Variants in TBX15 observed in about 807,000 individuals in gnomAD.
TBX15 encodes T-box transcription factor 15, also known as T-box transcription factor TBX15.
TBX15 carries 18 observed loss-of-function variants against 53.9 expected under a neutral mutation model. That is an observed-to-expected ratio of 0.33 (90% CI 0.23 to 0.49). The LOEUF (loss-of-function observed/expected upper bound fraction) is 0.49. TBX15 is among the 20% of genes least tolerant of loss of function. The pLI is 0.98. For synonymous variants in TBX15, 295 were observed against 278.0 expected, an observed-to-expected ratio of 1.06 and a Z score of -0.61; for missense variants, 692 against 749.5, an observed-to-expected ratio of 0.92 and a Z score of 0.90.
chr1:118,908,532 C>G (rs1321561331), intron 6 of TBX15, among the ~76,000 whole-genome samples: 1 of 152,140 alleles, frequency 6.6e-6, no homozygotes, highest in African/African-American at 2.4e-5. Flanking sequence ...AACACTGCCC[C>G]CATCCCACAC....
chr1:118,892,694 T>C (rs1654190073), intron 7 of TBX15, among the ~76,000 whole-genome samples: 1 of 152,228 alleles, frequency 6.6e-6, no homozygotes, highest in Non-Finnish European at 1.5e-5. Flanking sequence ...TTTATTTCTT[T>C]CAAAGTGTAT....
chr1:118,896,503 A>G (rs1366087313), intron 7 of TBX15, among the ~76,000 whole-genome samples: 1 of 152,112 alleles, frequency 6.6e-6, no homozygotes, highest in African/African-American at 2.4e-5. Flanking sequence ...TAGCAGCACA[A>G]AACTGTCTAG....
Position 118,899,058 on chromosome 1 carries a change from C to T in TBX15, c.994G>A (p.Glu332Lys), listed in dbSNP as rs1225498534. The T allele has an allele frequency of 6.8e-6, 11 of 1,613,608 alleles. No individual in the cohort carries two copies. The highest frequency in any genetic ancestry group is 8.5e-6 in the Non-Finnish European group (10 of 1,179,728). ...TGCTTCTGCATGGTGGTGAAGTCTT[C>T]GAAGGTGAGTGTGCGCACAGGAGGT... is the stretch of plus-strand genomic sequence containing the variant. ...WRPPVRTLTFEDFTTMQKQQG... is the reference protein window; with the variant it reads ...WRPPVRTLTFKDFTTMQKQQG... Residue 332 changes from glutamate (E) to lysine (K), a missense_variant, in exon 7 of 8, where the codon GAA becomes AAA. Around this residue, in one of 3 missense-constraint regions of TBX15, gnomAD observed 375 missense variants for 371.6 expected, o/e 1.01. Transcript: ENST00000369429.
intron 6 of TBX15, among the ~76,000 whole-genome samples, chr1:118,910,084 C>G (rs1183534339): frequency 1.3e-5 from 2 of 152,034 alleles, no homozygotes; most frequent in African/African-American, 4.8e-5. Flanking sequence ...CTGTGTCCTC[C>G]CCATCTTTCC....
At chr1:118,973,789 C>T (rs1021577999) in intron 1 of TBX15, among the ~76,000 whole-genome samples, 1 of 152,102 alleles carries the variant, frequency 6.6e-6, no homozygotes, top group Non-Finnish European at 1.5e-5. Context: ...CACACACACG[C>T]ACACACACTG....
intron 1 of TBX15, among the ~76,000 whole-genome samples, chr1:118,960,932 G>A (rs529086638): frequency 4.6e-5 from 7 of 152,270 alleles, no homozygotes; most frequent in African/African-American, 1.7e-4. Context: ...ATTTGTTATT[G>A]CTGCTGTCAT....
At chr1:118,917,755 C>A (rs1655290311) in intron 5 of TBX15, among the ~76,000 whole-genome samples, 2 of 152,200 alleles carry the variant, frequency 1.3e-5, no homozygotes, top group Admixed American at 6.5e-5. Context: ...AATCTCTTCT[C>A]TATCCAGCAC....
At position 118,987,591 on chromosome 1, in the gene TBX15, C is replaced by A; in HGVS notation, c.205G>T (p.Asp69Tyr). Residue 69 changes from aspartate (D) to tyrosine (Y), a missense_variant and splice_region_variant, in exon 1 of 8, where the codon GAT becomes TAT. Physicochemically the swap from Asp to Tyr is radical, Grantham distance 160. Coordinates refer to ENST00000369429, the MANE Select transcript of TBX15 (RefSeq NM_001330677.2). ...AAAHGLEPHP[D>Y]SEQSTGSDSE... is the part of the protein sequence containing the mutation. Reference sequence around the variant, plus strand: ...CCGCGGTCGGCTGCGACGCACTCACCCGGGTGAGGCTCCAGGCCGTGTGCC... The same window carrying A: ...CCGCGGTCGGCTGCGACGCACTCACACGGGTGAGGCTCCAGGCCGTGTGCC... The A allele has an allele frequency of 6.5e-7, 1 of 1,546,028 alleles. No individual in the cohort carries two copies. The highest frequency in any genetic ancestry group is 8.7e-7 in the Non-Finnish European group (1 of 1,146,272).
chr1:118,914,076 C>T, intron 6 of TBX15, 39 bp downstream of exon 6: 1 of 1,605,984 alleles, frequency 6.2e-7, no homozygotes, highest in South Asian at 1.1e-5. Flanking sequence ...GAAGTAATGT[C>T]ACATAGAAAA....
chr1:118,949,836 T>C (rs1433198914), intron 1 of TBX15, among the ~76,000 whole-genome samples: 1 of 152,106 alleles, frequency 6.6e-6, no homozygotes, highest in Non-Finnish European at 1.5e-5. Context: ...TTTGAACCCA[T>C]GACCCACTAT....
rs954143049 is a variant in TBX15, at chr1:118,988,004, C to G, written c.-209G>C. ...GATCCGACCTGCGCCCCTACGCTGG[C>G]CCAGCTGCTAGGAACTAGCGCCCCG... On this transcript the variant is annotated 5_prime_UTR_variant, in exon 1 of 8. Transcript: ENST00000369429. 3.0e-6 allele frequency: 2 copies of G among 656,128 alleles called. No homozygotes were observed. The highest frequency in any genetic ancestry group is 3.7e-5 in the African/African-American group (2 of 54,086). 40.6% of individuals were successfully genotyped at this position (656,128 alleles called of 1,614,324 possible). A position where few individuals can be genotyped will look rare whatever the true frequency, so the allele number is the denominator to read the frequency against.
intron 5 of TBX15, among the ~76,000 whole-genome samples, chr1:118,917,670 C>A (rs1431713257): frequency 6.6e-6 from 1 of 152,186 alleles, no homozygotes; most frequent in East Asian, 1.9e-4. Flanking sequence ...TAGCCCATGT[C>A]ATCATCATCT....
intron 6 of TBX15, among the ~76,000 whole-genome samples, chr1:118,908,026 G>C (rs562188582): frequency 3.5e-4 from 53 of 152,164 alleles, no homozygotes; most frequent in African/African-American, 1.1e-3. Context: ...ATCAGTCTCC[G>C]ATTTTAATCA....
chr1:118,941,651 G>C (rs1656181166), intron 1 of TBX15, among the ~76,000 whole-genome samples: 1 of 152,050 alleles, frequency 6.6e-6, no homozygotes, highest in African/African-American at 2.4e-5. Context: ...TTCTAGGCTG[G>C]GCCTGGCAAT....
chr1:118,933,330 A>G (rs1655862562), intron 1 of TBX15, among the ~76,000 whole-genome samples: 1 of 152,124 alleles, frequency 6.6e-6, no homozygotes, highest in Non-Finnish European at 1.5e-5. Context: ...GAAGATATTC[A>G]GGTTGTTAAA....
intron 7 of TBX15, among the ~76,000 whole-genome samples, chr1:118,888,359 C>G (rs556491735): frequency 1.3e-5 from 2 of 152,310 alleles, no homozygotes; most frequent in African/African-American, 2.4e-5. Flanking sequence ...TCGCCAACAA[C>G]AAGTACTTTC....
At chr1:118,937,814 G>A (rs1199428736) in intron 1 of TBX15, among the ~76,000 whole-genome samples, 1 of 152,188 alleles carries the variant, frequency 6.6e-6, no homozygotes, top group Admixed American at 6.5e-5. Flanking sequence ...ATAGTGGTAG[G>A]ACAGCCACTT....
At position 118,884,605 on chromosome 1, in the gene TBX15, G is replaced by GAAAAAAAA; in HGVS notation, c.*119_*126dup. 2.6e-6 allele frequency: 2 copies of GAAAAAAAA among 768,336 alleles called. No individual in the cohort carries two copies. The highest frequency in any genetic ancestry group is 2.0e-5 in the South Asian group (1 of 50,894). 47.6% of individuals were successfully genotyped at this position (768,336 alleles called of 1,614,324 possible). A position where few individuals can be genotyped will look rare whatever the true frequency, so the allele number is the denominator to read the frequency against. Reference sequence around the variant, plus strand: ...GTTCTTGGGTATATGTCTTCGGCCAGAAAAAAAAAAAAAAAAAAAACACGG... The same window carrying GAAAAAAAA: ...GTTCTTGGGTATATGTCTTCGGCCAGAAAAAAAAAAAAAAAAAAAAAAAAAAAACACGG... On this transcript the variant is annotated 3_prime_UTR_variant, in exon 8 of 8. Coordinates refer to ENST00000369429, the MANE Select transcript of TBX15 (RefSeq NM_001330677.2).
intron 1 of TBX15, among the ~76,000 whole-genome samples, chr1:118,943,496 A>G (rs1656250420): frequency 1.3e-5 from 2 of 152,186 alleles, no homozygotes; most frequent in African/African-American, 4.8e-5. Context: ...CTGGCACAAT[A>G]TCTGAGAAAG....
Sources: gnomAD v4.1 joint callset for allele counts (sites outside exome capture counted in the v4.1 genomes callset) on GRCh38, gnomAD v4.1.1 for gene constraint, gnomAD v4.1.1 regional missense constraint, MANE v1.5 for transcripts, NCBI Gene and HGNC (gene_info 2026-07-23, HGNC 2026-07-21) for gene names.